Variants in SDK1 observed in about 807,000 individuals in gnomAD.
SDK1 encodes sidekick cell adhesion molecule 1, also known as protein sidekick-1.
SDK1 carries 157 observed loss-of-function variants against 245.5 expected under a neutral mutation model. The ratio of observed to expected loss-of-function variants is 0.64; its 90% CI spans 0.56 to 0.73. The LOEUF is 0.73. Among genes scored for constraint, SDK1 ranks in the 30% least tolerant of loss-of-function variants. The probability of loss-of-function intolerance (pLI) is 0.00; values close to 1 mark genes in which losing one functional copy is unlikely to be tolerated. For synonymous variants in SDK1, 1,647 were observed against 1,278.5 expected (o/e 1.29, Z -6.15); for missense variants, 3,583 against 3,002.3 (o/e 1.19, Z -4.52).
At chr7:3,589,459 A>G (rs1019127068) in intron 1 of SDK1, among the ~76,000 whole-genome samples, 1 of 152,210 alleles carries the variant, frequency 6.6e-6, no homozygotes, top group Non-Finnish European at 1.5e-5. Flanking sequence ...GGTTTTGCGT[A>G]TATTACTATT....
intron 35 of SDK1, among the ~76,000 whole-genome samples, chr7:4,188,885 A>G (rs1244663747): frequency 6.6e-6 from 1 of 152,196 alleles, no homozygotes; most frequent in Admixed American, 6.5e-5. Flanking sequence ...GTCTGAAGAC[A>G]TTCCTTCGTT....
At chr7:4,200,581 C>A (rs1783829126) in intron 35 of SDK1, among the ~76,000 whole-genome samples, 1 of 152,316 alleles carries the variant, frequency 6.6e-6, no homozygotes, top group Admixed American at 6.5e-5. Context: ...TAGTGGGATT[C>A]CATTGTTCGT....
At chr7:3,502,977 T>C (rs1162852191) in intron 1 of SDK1, among the ~76,000 whole-genome samples, 2 of 152,202 alleles carry the variant, frequency 1.3e-5, no homozygotes, top group Non-Finnish European at 2.9e-5. Context: ...AAATATTTTG[T>C]TGTTCTTGGA....
chr7:3,369,553 A>G (rs1002299751), intron 1 of SDK1, among the ~76,000 whole-genome samples: 2 of 152,226 alleles, frequency 1.3e-5, no homozygotes, highest in Admixed American at 6.5e-5. Flanking sequence ...GTACCCAATT[A>G]TAGAGCAGCT....
chr7:3,698,530 A>G (rs1032007206), intron 4 of SDK1, among the ~76,000 whole-genome samples: 4 of 152,300 alleles, frequency 2.6e-5, no homozygotes, highest in South Asian at 2.1e-4. Context: ...GTGGAGGCGT[A>G]TAAGGAGCAG....
chr7:3,758,614 C>T (rs1780005224), intron 4 of SDK1, among the ~76,000 whole-genome samples: 1 of 152,158 alleles, frequency 6.6e-6, no homozygotes, highest in Non-Finnish European at 1.5e-5. Context: ...TTGACGTGCT[C>T]TTATCTTTTT....
chr7:3,396,623 G>A (rs985029986), intron 1 of SDK1, among the ~76,000 whole-genome samples: 2 of 151,128 alleles, frequency 1.3e-5, no homozygotes, highest in Non-Finnish European at 3.0e-5. Flanking sequence ...TTTCTTTCTA[G>A]TAACAATTTT....
At position 4,048,847 on chromosome 7, in the gene SDK1, G is replaced by A. The variant is rs118118593; in HGVS notation, c.2603-501G>A. Among the ~76,000 whole-genome samples the A allele has an allele frequency of 1.5e-3, 234 of 152,312 alleles. 7 individuals are homozygous for A. In the East Asian group the frequency reaches 0.037, roughly 24 times the overall value. ...GGAAAATCCAAAAATGATTGTCCCC[G>A]TTGACAGACAAAGAGAAATTTAACC... On this transcript the variant is annotated intron_variant, in intron 17 of 44. Coordinates refer to ENST00000404826, the MANE Select transcript of SDK1 (RefSeq NM_152744.4).
At chr7:3,732,140 G>T (rs1275560990) in intron 4 of SDK1, among the ~76,000 whole-genome samples, 2 of 152,216 alleles carry the variant, frequency 1.3e-5, no homozygotes, top group East Asian at 1.9e-4. Flanking sequence ...TTTGTTAGCA[G>T]TGACTACACA....
intron 1 of SDK1, among the ~76,000 whole-genome samples, chr7:3,384,864 G>A (rs1028533158): frequency 9.2e-5 from 14 of 152,198 alleles, no homozygotes; most frequent in African/African-American, 2.9e-4. Flanking sequence ...AGTACCCGTA[G>A]TATATAGCAG....
intron 1 of SDK1, among the ~76,000 whole-genome samples, chr7:3,453,469 C>T (rs1436803081): frequency 6.6e-6 from 1 of 152,148 alleles, no homozygotes; most frequent in Non-Finnish European, 1.5e-5. Flanking sequence ...CCTGGATTAT[C>T]TGGTGGACCC....
chr7:3,423,461 G>A (rs1444406999), intron 1 of SDK1, among the ~76,000 whole-genome samples: 7 of 152,154 alleles, frequency 4.6e-5, no homozygotes, highest in African/African-American at 1.4e-4. Context: ...AGATTTCTAT[G>A]CTTTTATAAG....
At position 3,587,579 on chromosome 7, in the gene SDK1, T is replaced by C. The variant is rs188593658; in HGVS notation, c.299-31501T>C. Among the ~76,000 whole-genome samples the C allele has an allele frequency of 5.0e-4, 76 of 152,286 alleles. 1 individual carries two copies. Among genetic ancestry groups the C allele is most frequent in the African/African-American group, 1.7e-3 (69 of 41,568 alleles). ...AGAGAAGGCAGTGTGAATCCAACTTTCCTCCGCTTTTTCAGCCCCCAATGG... is the reference window on the plus strand; with the variant it reads ...AGAGAAGGCAGTGTGAATCCAACTTCCCTCCGCTTTTTCAGCCCCCAATGG... On this transcript the variant is annotated intron_variant, in intron 1 of 44. Coordinates refer to ENST00000404826, the MANE Select transcript of SDK1 (RefSeq NM_152744.4).
chr7:3,850,326 T>C (rs1418341439), intron 5 of SDK1, among the ~76,000 whole-genome samples: 2 of 152,222 alleles, frequency 1.3e-5, no homozygotes, highest in African/African-American at 4.8e-5. Flanking sequence ...AAAGCATGTG[T>C]AACGTTGCTT....
intron 4 of SDK1, among the ~76,000 whole-genome samples, chr7:3,654,662 C>T (rs1783107663): frequency 6.6e-6 from 1 of 152,148 alleles, no homozygotes; most frequent in South Asian, 2.1e-4. Context: ...CCTGCTGCTT[C>T]AGGAGAAAGG....
rs115866240 is a variant in SDK1 at position 4,192,925 on chromosome 7, C to T, written c.5099-12954C>T. Among the ~76,000 whole-genome samples the T allele has an allele frequency of 9.7e-3, 1,459 of 150,706 alleles. 25 individuals carry two copies. The highest frequency in any genetic ancestry group is 0.034 in the African/African-American group (1,378 of 40,992). ...TCATTTTATTCACAAATACTTTTAC[C>T]ATATATCCCTATAATAACTCTTTAA... is the stretch of plus-strand genomic sequence containing the variant. On this transcript the variant is annotated intron_variant, in intron 35 of 44. Transcript: ENST00000404826.
intron 1 of SDK1, among the ~76,000 whole-genome samples, chr7:3,579,777 CAAAG>C (rs1780422208): frequency 6.6e-6 from 1 of 152,060 alleles, no homozygotes; most frequent in Non-Finnish European, 1.5e-5. Flanking sequence ...TAAAAACAGG[CAAAG>C]AAAGGGCATC....
intron 4 of SDK1, among the ~76,000 whole-genome samples, chr7:3,689,211 A>T (rs1426082329): frequency 6.6e-6 from 1 of 152,010 alleles, no homozygotes; most frequent in Non-Finnish European, 1.5e-5. Flanking sequence ...CGTTATGATA[A>T]CCCTGCTTCT....
intron 5 of SDK1, among the ~76,000 whole-genome samples, chr7:3,841,432 C>A (rs1439392883): frequency 1.3e-5 from 2 of 152,186 alleles, no homozygotes; most frequent in Non-Finnish European, 2.9e-5. Context: ...CTTGGCAGCA[C>A]AGAACTGCGT....
Sources: allele counts gnomAD v4.1 joint callset (sites outside exome capture counted in the v4.1 genomes callset), GRCh38; gene constraint gnomAD v4.1.1; transcripts MANE v1.5; gene names NCBI Gene and HGNC (gene_info 2026-07-23, HGNC 2026-07-21).